Variants in CNTN4 observed in about 807,000 individuals in gnomAD.
CNTN4 encodes contactin 4.
In CNTN4, 77 loss-of-function variants were observed where a neutral mutation model predicts 122.5. That is an observed-to-expected ratio of 0.63 (90% confidence interval 0.52 to 0.76). The LOEUF is 0.76. Among genes scored for constraint, CNTN4 ranks in the 30% least tolerant of loss-of-function variants. CNTN4 has a pLI of 0.00. For synonymous variants in CNTN4, 512 were observed against 447.0 expected, an observed-to-expected ratio of 1.15 and a Z score of -1.83; for missense variants, 1,256 against 1,259.1, an observed-to-expected ratio of 1.00 and a Z score of 0.04.
intron 4 of CNTN4, among the ~76,000 whole-genome samples, chr3:2,653,285 T>C (rs1201237557): frequency 6.6e-6 from 1 of 152,178 alleles, no homozygotes; most frequent in Admixed American, 6.5e-5. Context: ...ACTCAATAAA[T>C]AAGTTTTAAA....
Position 2,689,665 on chromosome 3 carries a change from G to A in CNTN4, c.56-46550G>A, listed in dbSNP as rs565303722. Among the ~76,000 whole-genome samples, 3 of 152,216 alleles carry A rather than the reference G, an allele frequency of 2.0e-5. No homozygotes were observed. The East Asian group carries it at 5.8e-4, about 29-fold the overall frequency. On this transcript the variant is annotated intron_variant, in intron 4 of 24. Transcript: ENST00000418658. Reference sequence around the variant, plus strand: ...GAGTAGTGGTTCAGAAGGTCAGAATGGAGCAAACTCTCTGAAATCCACTCT... The same window carrying A: ...GAGTAGTGGTTCAGAAGGTCAGAATAGAGCAAACTCTCTGAAATCCACTCT...
intron 2 of CNTN4, among the ~76,000 whole-genome samples, chr3:2,258,500 G>A (rs1346570737): frequency 2.0e-5 from 3 of 152,086 alleles, no homozygotes; most frequent in Non-Finnish European, 4.4e-5. Context: ...GTTGTTGGAT[G>A]AAATATATTA....
chr3:2,545,085 A>G (rs1262022280), intron 3 of CNTN4, among the ~76,000 whole-genome samples: 1 of 151,936 alleles, frequency 6.6e-6, no homozygotes, highest in East Asian at 1.9e-4. Flanking sequence ...TGTTCTTATT[A>G]GTTTCAAAGA....
At chr3:2,422,218 C>G (rs1038523699) in intron 3 of CNTN4, among the ~76,000 whole-genome samples, 2 of 151,998 alleles carry the variant, frequency 1.3e-5, no homozygotes, top group Non-Finnish European at 2.9e-5. Context: ...TTTGTGTTAT[C>G]CCCTGCTCCT....
intron 2 of CNTN4, among the ~76,000 whole-genome samples, chr3:2,132,849 C>T (rs2034516280): frequency 6.6e-6 from 1 of 152,040 alleles, no homozygotes; most frequent in Non-Finnish European, 1.5e-5. Context: ...TCCCTCTGTC[C>T]AGAAACTACA....
intron 3 of CNTN4, among the ~76,000 whole-genome samples, chr3:2,423,469 G>A (rs935601970): frequency 5.3e-5 from 8 of 151,696 alleles, no homozygotes. Flanking sequence ...TGAAAGACAG[G>A]GTGAAAACTT....
chr3:2,765,253 G>C (rs146192338), intron 6 of CNTN4, among the ~76,000 whole-genome samples: 1 of 152,058 alleles, frequency 6.6e-6, no homozygotes, highest in African/African-American at 2.4e-5. Flanking sequence ...ATCACCACTC[G>C]TACTTGTCGT....
chr3:2,992,331 G>C (rs756935363), intron 14 of CNTN4, among the ~76,000 whole-genome samples: 5 of 152,110 alleles, frequency 3.3e-5, no homozygotes, highest in Non-Finnish European at 5.9e-5. Flanking sequence ...CTTGGGATTT[G>C]GTTTGCTGTT....
In CNTN4 at chr3:2,326,529, A is replaced by G. The variant is rs62243987; in HGVS notation, c.-144-12649A>G. Among the ~76,000 whole-genome samples, 264 of 100,314 alleles carry G rather than the reference A, an allele frequency of 2.6e-3. 1 individual carries two copies. The highest frequency in any genetic ancestry group is 7.8e-3 in the African/African-American group (244 of 31,400). The allele number at this position is 100,314 out of a possible 152,430, so 65.8% of individuals were successfully genotyped here. A position where few individuals can be genotyped will look rare whatever the true frequency, so the allele number is the denominator to read the frequency against. ...ACACACACACACACACACACACACA[A>G]TCTTACTGATTCTGTTTCTCTGGAG... On this transcript the variant is annotated intron_variant, in intron 2 of 24. Coordinates refer to ENST00000418658, the MANE Select transcript of CNTN4 (RefSeq NM_175607.3).
chr3:2,944,006 A>C (rs927390583), intron 13 of CNTN4, among the ~76,000 whole-genome samples: 5 of 152,206 alleles, frequency 3.3e-5, no homozygotes, highest in Admixed American at 3.3e-4. Context: ...TGATTATATA[A>C]TAATGGAATT....
chr3:2,237,636 G>C (rs1407786078), intron 2 of CNTN4, among the ~76,000 whole-genome samples: 1 of 151,404 alleles, frequency 6.6e-6, no homozygotes, highest in Non-Finnish European at 1.5e-5. Context: ...TAACCTTCTT[G>C]AAGGTTAGAT....
intron 3 of CNTN4, among the ~76,000 whole-genome samples, chr3:2,408,616 T>C (rs368775863): frequency 1.3e-5 from 2 of 152,124 alleles, no homozygotes; most frequent in Non-Finnish European, 2.9e-5. Context: ...AAGTTCCCAA[T>C]TTTTCTCTTC....
chr3:3,032,108 TA>T (rs1162918349), intron 16 of CNTN4, among the ~76,000 whole-genome samples: 2 of 152,124 alleles, frequency 1.3e-5, no homozygotes, highest in Non-Finnish European at 2.9e-5. Flanking sequence ...CAATTGCCTT[TA>T]AAAAAACTTT....
intron 3 of CNTN4, among the ~76,000 whole-genome samples, chr3:2,390,076 T>A (rs1432323280): frequency 2.6e-5 from 4 of 152,162 alleles, no homozygotes; most frequent in Non-Finnish European, 5.9e-5. Context: ...TAATACTATA[T>A]ACATGTTTAT....
intron 3 of CNTN4, among the ~76,000 whole-genome samples, chr3:2,467,027 T>A (rs1160270863): frequency 6.6e-6 from 1 of 150,420 alleles, no homozygotes; most frequent in African/African-American, 2.4e-5. Context: ...GATCTAATTT[T>A]AGTATTCACA....
intron 14 of CNTN4, among the ~76,000 whole-genome samples, chr3:3,007,224 G>T (rs1343076432): frequency 6.6e-6 from 1 of 152,214 alleles, no homozygotes; most frequent in Non-Finnish European, 1.5e-5. Flanking sequence ...ACGTCTTGTT[G>T]TGTACTAGGT....
intron 3 of CNTN4, among the ~76,000 whole-genome samples, chr3:2,457,538 T>C (rs766032840): frequency 3.3e-5 from 5 of 152,114 alleles, no homozygotes; most frequent in Middle Eastern, 3.2e-3. Context: ...ATTATGAATA[T>C]TCCCAAATGC....
intron 14 of CNTN4, among the ~76,000 whole-genome samples, chr3:3,015,103 T>A (rs1356864197): frequency 6.6e-6 from 1 of 152,096 alleles, no homozygotes; most frequent in East Asian, 1.9e-4. Context: ...TCATTCTCCC[T>A]CCTTTAAATT....
intron 2 of CNTN4, among the ~76,000 whole-genome samples, chr3:2,200,980 A>G (rs905764073): frequency 6.6e-6 from 1 of 152,190 alleles, no homozygotes; most frequent in African/African-American, 2.4e-5. Context: ...CTTATTTTTA[A>G]AAGGAAGTAG....
Sources: allele counts gnomAD v4.1 joint callset (sites outside exome capture counted in the v4.1 genomes callset), GRCh38; gene constraint gnomAD v4.1.1; transcripts MANE v1.5; gene names NCBI Gene and HGNC (gene_info 2026-07-23, HGNC 2026-07-21).